Variants in POMT2 observed in about 807,000 individuals in gnomAD.
POMT2 encodes the protein protein O-mannosyl-transferase 2.
In POMT2, 75 loss-of-function variants were observed where a neutral mutation model predicts 100.0. The ratio of observed to expected loss-of-function variants is 0.75; its 90% CI spans 0.62 to 0.91. The LOEUF (loss-of-function observed/expected upper bound fraction) is 0.91, where lower values mean the gene tolerates loss of function less well. POMT2 is among the 40% of genes least tolerant of loss of function. The pLI is 0.00. For missense variants in POMT2, 940 were observed against 955.1 expected (o/e 0.98, Z 0.21); for synonymous variants, 378 against 374.1 (o/e 1.01, Z -0.12).
chr14:77,292,103 A>G (rs934001688), intron 9 of POMT2, among the ~76,000 whole-genome samples: 1 of 152,214 alleles, frequency 6.6e-6, no homozygotes, highest in Non-Finnish European at 1.5e-5. Flanking sequence ...TATTTTCTAT[A>G]ATGTGGCCAA....
Position 77,296,538 on chromosome 14 carries a change from G to A in POMT2, c.1007-265C>T, listed in dbSNP as rs546806594. The A allele has an allele frequency of 5.4e-5, 26 of 484,372 alleles. 1 individual carries two copies. The South Asian group carries it at 6.2e-4, about 12-fold the overall frequency. The allele number at this position is 484,372 out of a possible 1,614,324, so 30.0% of individuals were successfully genotyped here. Reference sequence around the variant, plus strand: ...CATTATCAAAGCACTACGTGTAACAGCAAAAGACGAAAAACAACTTGTCCT... The same window carrying A: ...CATTATCAAAGCACTACGTGTAACAACAAAAGACGAAAAACAACTTGTCCT... On this transcript the variant is annotated intron_variant, in intron 8 of 20. Coordinates refer to ENST00000261534, the MANE Select transcript of POMT2 (RefSeq NM_013382.7).
At position 77,302,839 on chromosome 14, in the gene POMT2, C is replaced by G. The variant is rs140785104; in HGVS notation, c.652G>C (p.Asp218His). ...CCCGGGGATGGAGTTTCTGACCTGT[C>G]GGCGCAAGAGTTGTACTTGACCATG... is the stretch of plus-strand genomic sequence containing the variant. ...LSMVKYNSCA[D>H]RPFSAPWWFW... is the part of the protein sequence containing the mutation. The change falls in exon 5 of 21, where the codon GAC becomes CAC. Residue 218 changes from aspartate (D) to histidine (H), a missense_variant. Transcript: ENST00000261534. The G allele has an allele frequency of 6.8e-6, 11 of 1,610,286 alleles. No homozygotes were observed. In the South Asian group the frequency reaches 1.2e-4, roughly 18 times the overall value.
intron 2 of POMT2, among the ~76,000 whole-genome samples, chr14:77,307,544 C>T (rs1255148109): frequency 1.3e-5 from 2 of 152,156 alleles, no homozygotes; most frequent in African/African-American, 2.4e-5. Flanking sequence ...CAAATGGATC[C>T]CTCTTCCCAC....
intron 14 of POMT2, 75 bp from the exon 15 acceptor site, chr14:77,283,948 C>G: frequency 1.6e-6 from 2 of 1,253,534 alleles, no homozygotes; most frequent in Non-Finnish European, 2.3e-6. Flanking sequence ...GTCCACATTC[C>G]CACCAGAATC....
In POMT2 at chr14:77,299,456, T is replaced by C. The variant is rs1192178573; in HGVS notation, c.922A>G (p.Ser308Gly). ...FAVHFMVLSK[S>G]GPGDGFFSSA... is the part of the protein sequence containing the mutation. ...ATGCTGCAAAGGCTCTGTCTGTACC[T>C]TTTACTCAGCACCATGAAGTGAACA... Residue 308 changes from serine (S) to glycine (G), a missense_variant and splice_region_variant, in exon 7 of 21, where the codon AGT becomes GGT. Ser to Gly is a moderately conservative substitution (Grantham distance 56, BLOSUM62 0). Coordinates refer to ENST00000261534, the MANE Select transcript of POMT2 (RefSeq NM_013382.7). The C allele has an allele frequency of 6.2e-7, 1 of 1,612,372 alleles. No individual in the cohort carries two copies. Among genetic ancestry groups the C allele is most frequent in the Non-Finnish European group, 8.5e-7 (1 of 1,178,718 alleles).
intron 15 of POMT2, among the ~76,000 whole-genome samples, 189 bp downstream of exon 15, chr14:77,283,608 A>G (rs917506916): frequency 2.6e-5 from 4 of 152,218 alleles, no homozygotes; most frequent in African/African-American, 4.8e-5. Flanking sequence ...TGGTATCACC[A>G]TCATCACCAC....
At chr14:77,309,027 G>C (rs897483546) in intron 2 of POMT2, among the ~76,000 whole-genome samples, 1 of 152,198 alleles carries the variant, frequency 6.6e-6, no homozygotes, top group Non-Finnish European at 1.5e-5. Context: ...ATCTTCATGT[G>C]CTAATGTGGA....
chr14:77,301,409 G>A (rs1161115677), intron 5 of POMT2, among the ~76,000 whole-genome samples, 160 bp from the exon 6 acceptor site: 3 of 152,206 alleles, frequency 2.0e-5, no homozygotes, highest in Non-Finnish European at 4.4e-5. Context: ...CCATGGAGGA[G>A]GCGGCCTGTG....
At chr14:77,280,556 C>G (rs1305372479) in intron 15 of POMT2, 93 bp from the exon 16 acceptor site, 3 of 1,593,252 alleles carry the variant, frequency 1.9e-6, no homozygotes, top group Admixed American at 1.7e-5. Context: ...TAGGGCCAAG[C>G]GCCGAGCAGA....
At chr14:77,310,576 G>A (rs1335935593) in intron 2 of POMT2, among the ~76,000 whole-genome samples, 4 of 152,080 alleles carry the variant, frequency 2.6e-5, no homozygotes, top group African/African-American at 9.7e-5. Context: ...CCACGCTGTA[G>A]GGCCCCCTGC....
At chr14:77,314,849 C>G (rs1366781022) in intron 1 of POMT2, among the ~76,000 whole-genome samples, 1 of 152,222 alleles carries the variant, frequency 6.6e-6, no homozygotes, top group Non-Finnish European at 1.5e-5. Context: ...AAATGAAACA[C>G]TGAAAGATCC....
At chr14:77,298,948 C>G (rs1038573366) in intron 7 of POMT2, among the ~76,000 whole-genome samples, 177 bp from the exon 8 acceptor site, 2 of 152,260 alleles carry the variant, frequency 1.3e-5, no homozygotes, top group African/African-American at 4.8e-5. Flanking sequence ...CAGCCACTTA[C>G]TAGCTGTGCG....
Position 77,319,908 on chromosome 14 carries a change from G to A in POMT2, c.248+526C>T, listed in dbSNP as rs1459338571. ...ATTTCTGACACCCAGTATCTGGATA[G>A]TACAAGCTAAAACCTTTAAGAAAAT... On this transcript the variant is annotated intron_variant, in intron 1 of 20. Coordinates refer to ENST00000261534, the MANE Select transcript of POMT2 (RefSeq NM_013382.7). Among the ~76,000 whole-genome samples the A allele has an allele frequency of 6.4e-4, 98 of 152,200 alleles. 1 individual carries two copies. The highest frequency in any genetic ancestry group is 2.9e-5 in the Non-Finnish European group (2 of 68,038).
intron 1 of POMT2, among the ~76,000 whole-genome samples, chr14:77,313,083 C>T (rs186032462): frequency 7.6e-4 from 115 of 152,316 alleles, no homozygotes; most frequent in African/African-American, 2.3e-3. Flanking sequence ...GCTTTGGGAA[C>T]GCAGCCAAGT....
chr14:77,291,356 A>G lies in POMT2; in HGVS notation c.1141T>C (p.Tyr381His), dbSNP rs369489033. ...TTCTTGATAATCCACAGGTTGTTGT[A>G]GTCCTTGTGCAAATAGGTGGTGACC... ...QQVTTYLHKD[Y>H]NNLWIIKKHN... The change falls in exon 10 of 21, where the codon TAC becomes CAC. Residue 381 changes from tyrosine to histidine, a missense_variant. Tyr to His is a moderately conservative substitution (Grantham distance 83). Transcript: ENST00000261534. 318 of 1,396,564 alleles carry G rather than the reference A, an allele frequency of 2.3e-4. No individual in the cohort carries two copies. Among genetic ancestry groups the G allele is most frequent in the Non-Finnish European group, 2.9e-4 (309 of 1,052,842 alleles). 86.5% of individuals were successfully genotyped at this position (1,396,564 alleles called of 1,614,324 possible).
intron 20 of POMT2, among the ~76,000 whole-genome samples, chr14:77,278,007 C>T (rs932565548): frequency 6.6e-6 from 1 of 151,866 alleles, no homozygotes; most frequent in Non-Finnish European, 1.5e-5. Context: ...CTCCCTCACC[C>T]GGAGAGCTGT....
At chr14:77,305,907 C>A (rs1278355631) in intron 3 of POMT2, among the ~76,000 whole-genome samples, 1 of 152,140 alleles carries the variant, frequency 6.6e-6, no homozygotes, top group African/African-American at 2.4e-5. Context: ...TGTGGGGATG[C>A]CAAAATCTTC....
intron 10 of POMT2, among the ~76,000 whole-genome samples, 199 bp downstream of exon 10, chr14:77,291,115 T>C (rs1890624755): frequency 6.6e-6 from 1 of 152,130 alleles, no homozygotes; most frequent in South Asian, 2.1e-4. Context: ...TCAATGCTTA[T>C]CCCCTATGCC....
intron 15 of POMT2, 112 bp downstream of exon 15, chr14:77,283,685 A>C: frequency 1.0e-6 from 1 of 976,580 alleles, no homozygotes; most frequent in Non-Finnish European, 1.7e-6. Flanking sequence ...AGATGCTTTC[A>C]AATTCCTCCA....
Sources: allele counts gnomAD v4.1 joint callset (sites outside exome capture counted in the v4.1 genomes callset), GRCh38; gene constraint gnomAD v4.1.1; transcripts MANE v1.5; gene names NCBI Gene and HGNC (gene_info 2026-07-23, HGNC 2026-07-21).